Variants in SAMD12 observed in about 807,000 individuals in gnomAD.
SAMD12 encodes the protein sterile alpha motif domain containing 12.
A neutral mutation model predicts 15.0 loss-of-function variants in SAMD12; 9 were observed. That is an observed-to-expected ratio of 0.60 (90% CI 0.36 to 1.05). SAMD12 has a LOEUF of 1.05. Among genes scored for constraint, SAMD12 ranks in the 50% least tolerant of loss-of-function variants. SAMD12 has a pLI of 0.01. For missense variants in SAMD12, 230 were observed against 234.2 expected (o/e 0.98, Z 0.12); for synonymous variants, 86 against 90.1 (o/e 0.96, Z 0.25).
intron 4 of SAMD12, among the ~76,000 whole-genome samples, chr8:118,302,077 A>AGTTTTTTT (rs1815062666): frequency 2.8e-5 from 2 of 70,962 alleles, no homozygotes; most frequent in Non-Finnish European, 4.5e-5. Flanking sequence ...GATCTTTGAG[A>AGTTTTTTT]GTTTTTTTTT....
chr8:118,328,475 T>C (rs1816662743), intron 4 of SAMD12, among the ~76,000 whole-genome samples: 1 of 152,208 alleles, frequency 6.6e-6, no homozygotes, highest in Admixed American at 6.5e-5. Flanking sequence ...CATTCACAAC[T>C]GTTATTTAAT....
At position 118,460,570 on chromosome 8, in the gene SAMD12, T is replaced by C. The variant is rs183939186; in HGVS notation, c.193-20609A>G. Among the ~76,000 whole-genome samples the C allele has an allele frequency of 3.9e-5, 6 of 152,060 alleles. No individual in the cohort carries two copies. The South Asian group carries it at 6.2e-4, about 16-fold the overall frequency. ...TGCAGACATGGAATCAGGGAGGAGA[T>C]AGACAAACAGGGTATCTCTAGGACA... On this transcript the variant is annotated intron_variant, in intron 2 of 3. Transcript: ENST00000314727.
intron 2 of SAMD12, among the ~76,000 whole-genome samples, chr8:118,551,709 A>C (rs1407089308): frequency 3.3e-5 from 5 of 149,886 alleles, no homozygotes; most frequent in African/African-American, 1.2e-4. Flanking sequence ...AGACACAAAA[A>C]ACCCTTCAAA....
At chr8:118,272,979 G>T (rs969555312) in intron 4 of SAMD12, among the ~76,000 whole-genome samples, 9 of 152,076 alleles carry the variant, frequency 5.9e-5, no homozygotes, top group African/African-American at 2.2e-4. Context: ...ACCTCTGCCT[G>T]TTACCCAGTT....
At chr8:118,364,241 T>C (rs1428926896) in intron 4 of SAMD12, among the ~76,000 whole-genome samples, 2 of 152,154 alleles carry the variant, frequency 1.3e-5, no homozygotes, top group Non-Finnish European at 2.9e-5. Flanking sequence ...TATTATCCTT[T>C]GGGGGTTGCC....
chr8:118,374,693 G>A (rs747824827), downstream of SAMD12, among the ~76,000 whole-genome samples: 1 of 151,978 alleles, frequency 6.6e-6, no homozygotes, highest in Non-Finnish European at 1.5e-5. Context: ...GTGAGATGAT[G>A]TGTGGTTCTG....
Position 118,558,635 on chromosome 8 carries a change from G to A in SAMD12, c.192+22080C>T, listed in dbSNP as rs191642844. Among the ~76,000 whole-genome samples the A allele has an allele frequency of 3.9e-3, 588 of 152,034 alleles. 5 individuals carry two copies. The highest frequency in any genetic ancestry group is 0.014 in the African/African-American group (564 of 41,466). ...GTGCAGTGGCACGATCCTGGCTCAC[G>A]GCAAGCTCCACCTCCCAGGTTCACG... On this transcript the variant is annotated intron_variant, in intron 2 of 3. Coordinates refer to ENST00000314727, the MANE Select transcript of SAMD12 (RefSeq NM_207506.3).
At chr8:118,148,114 G>C in the SAMD12 span, among the ~76,000 whole-genome samples, 1 of 151,672 alleles carries the variant, frequency 6.6e-6, no homozygotes, top group East Asian at 1.9e-4. Flanking sequence ...TTTTTTGGTA[G>C]AGACGGGGTG....
intron 4 of SAMD12, among the ~76,000 whole-genome samples, chr8:118,264,811 G>C (rs1813160911): frequency 6.6e-6 from 1 of 152,086 alleles, no homozygotes; most frequent in Non-Finnish European, 1.5e-5. Context: ...CCTAAACTGA[G>C]ACATGATTGT....
At chr8:118,290,532 A>T (rs1431456283) in intron 4 of SAMD12, among the ~76,000 whole-genome samples, 2 of 152,184 alleles carry the variant, frequency 1.3e-5, no homozygotes, top group Non-Finnish European at 2.9e-5. Flanking sequence ...AATCATATTA[A>T]CCCATAATAT....
intron 2 of SAMD12, among the ~76,000 whole-genome samples, chr8:118,500,599 A>C (rs1824756356): frequency 6.6e-6 from 1 of 151,906 alleles, no homozygotes; most frequent in Non-Finnish European, 1.5e-5. Flanking sequence ...TGAGGTCAGG[A>C]GTTCAAGGCC....
chr8:118,377,139 G>A (rs933266056), downstream of SAMD12, among the ~76,000 whole-genome samples: 18 of 152,150 alleles, frequency 1.2e-4, no homozygotes, highest in African/African-American at 4.3e-4. Flanking sequence ...GCTCACGCCT[G>A]TAATCCCAGC....
intron 3 of SAMD12, among the ~76,000 whole-genome samples, chr8:118,380,219 T>G (rs73709946): frequency 0.019 from 2,842 of 152,290 alleles, 75 homozygotes; most frequent in African/African-American, 0.064. Flanking sequence ...AAGTCCAGTT[T>G]TAATCTGCAG....
At chr8:118,335,284 A>AT (rs1817004098) in intron 4 of SAMD12, among the ~76,000 whole-genome samples, 2 of 151,970 alleles carry the variant, frequency 1.3e-5, no homozygotes, top group African/African-American at 4.8e-5. Flanking sequence ...ACAAATCCAG[A>AT]TTTTCCCTCC....
rs1819540387 is a variant in SAMD12 at position 118,379,254 on chromosome 8, T to C, written c.*163A>G. On this transcript the variant is annotated 3_prime_UTR_variant, in exon 4 of 4. Coordinates refer to ENST00000314727, the MANE Select transcript of SAMD12 (RefSeq NM_207506.3). ...TCTAGTGAGTGCAATCGTACCCTGA[T>C]TGATGTGACTGGTATTCTCTGGGGT... is the stretch of plus-strand genomic sequence containing the variant. The C allele has an allele frequency of 5.6e-6, 8 of 1,432,264 alleles. No homozygotes were observed. In the South Asian group the frequency reaches 7.5e-5, roughly 13 times the overall value. 88.7% of individuals were successfully genotyped at this position (1,432,264 alleles called of 1,614,324 possible). A position where few individuals can be genotyped will look rare whatever the true frequency, so the allele number is the denominator to read the frequency against.
chr8:118,227,832 G>A (rs536716651), intron 4 of SAMD12, among the ~76,000 whole-genome samples: 2 of 152,164 alleles, frequency 1.3e-5, no homozygotes, highest in Admixed American at 1.3e-4. Context: ...GCCAAAGCAA[G>A]ACTAAGCAAA....
At chr8:118,281,885 G>A (rs1352598865) in intron 4 of SAMD12, among the ~76,000 whole-genome samples, 1 of 152,086 alleles carries the variant, frequency 6.6e-6, no homozygotes, top group Non-Finnish European at 1.5e-5. Context: ...TTACCAGTGG[G>A]TCATTTCAAA....
chr8:118,275,844 T>C (rs941759557), intron 4 of SAMD12, among the ~76,000 whole-genome samples: 4 of 152,240 alleles, frequency 2.6e-5, no homozygotes, highest in African/African-American at 9.6e-5. Flanking sequence ...TTGCTTAGGA[T>C]AATGGCCTCT....
chr8:118,544,899 G>A (rs72678157), intron 2 of SAMD12, among the ~76,000 whole-genome samples: 7,751 of 152,230 alleles, frequency 0.051, 286 homozygotes, highest in Non-Finnish European at 0.083. Flanking sequence ...TAGGTGCTTC[G>A]ACATATAACG....
Sources: allele counts gnomAD v4.1 joint callset (sites outside exome capture counted in the v4.1 genomes callset), GRCh38; gene constraint gnomAD v4.1.1; transcripts MANE v1.5; gene names NCBI Gene and HGNC (gene_info 2026-07-23, HGNC 2026-07-21).